The following PTPN14 variants were observed in gnomAD, a reference collection of about 807,000 sequenced individuals.
PTPN14 encodes the protein protein tyrosine phosphatase non-receptor type 14.
Under a neutral mutation model 126.8 loss-of-function variants are expected in PTPN14, and 53 were observed. The ratio of observed to expected loss-of-function variants is 0.42; its 90% CI spans 0.34 to 0.53. The LOEUF (loss-of-function observed/expected upper bound fraction) is 0.53. Ranked by LOEUF, PTPN14 falls within the 20% of genes least tolerant of loss-of-function variation. PTPN14 has a pLI of 0.08. For missense variants in PTPN14, 1,257 were observed against 1,552.9 expected (o/e 0.81, Z 3.20); for synonymous variants, 630 against 599.3 (o/e 1.05, Z -0.75).
chr1:214,488,126 T>C (rs1661155530), intron 1 of PTPN14, among the ~76,000 whole-genome samples: 2 of 152,190 alleles, frequency 1.3e-5, no homozygotes, highest in Non-Finnish European at 1.5e-5. Flanking sequence ...GCCAACCTTT[T>C]AAACATTAAG....
chr1:214,476,057 G>A (rs1401155291), intron 1 of PTPN14, among the ~76,000 whole-genome samples: 1 of 152,182 alleles, frequency 6.6e-6, no homozygotes, highest in African/African-American at 2.4e-5. Flanking sequence ...ACTCAGACAT[G>A]GTGGAGGGGG....
chr1:214,409,157 C>T (rs943388578), intron 5 of PTPN14, among the ~76,000 whole-genome samples: 13 of 152,172 alleles, frequency 8.5e-5, no homozygotes, highest in African/African-American at 2.9e-4. Context: ...TTATTATCAA[C>T]GATAGTCACC....
At chr1:214,502,807 GA>G (rs544394706) in intron 1 of PTPN14, among the ~76,000 whole-genome samples, 10 of 152,098 alleles carry the variant, frequency 6.6e-5, no homozygotes, top group Middle Eastern at 6.8e-3. Flanking sequence ...CAATATCACA[GA>G]AAAAAATAGG....
At chr1:214,400,153 C>G (rs1488886183) in intron 7 of PTPN14, among the ~76,000 whole-genome samples, 1 of 152,106 alleles carries the variant, frequency 6.6e-6, no homozygotes, top group South Asian at 2.1e-4. Flanking sequence ...TCAATAAGAA[C>G]CTGTACCAAT....
chr1:214,470,969 G>A (rs1159588017), intron 1 of PTPN14, among the ~76,000 whole-genome samples: 21 of 144,802 alleles, frequency 1.5e-4, no homozygotes, highest in African/African-American at 4.6e-4. Flanking sequence ...AGGTTTCAGT[G>A]AACCAAGATC....
chr1:214,477,104 G>A (rs974305964), intron 1 of PTPN14, among the ~76,000 whole-genome samples: 1 of 152,190 alleles, frequency 6.6e-6, no homozygotes, highest in African/African-American at 2.4e-5. Context: ...GGTGCCCAGT[G>A]GGTTTCAGAT....
At chr1:214,441,853 T>G (rs1370950181) in intron 3 of PTPN14, among the ~76,000 whole-genome samples, 1 of 152,230 alleles carries the variant, frequency 6.6e-6, no homozygotes, top group African/African-American at 2.4e-5. Context: ...TATTTTAACA[T>G]TTTGACTCAT....
intron 3 of PTPN14, among the ~76,000 whole-genome samples, chr1:214,416,082 C>G (rs61819565): frequency 0.045 from 6,860 of 152,254 alleles, 176 homozygotes; most frequent in Middle Eastern, 0.072. Context: ...GCCAGAAAGA[C>G]AAACAGATAT....
intron 1 of PTPN14, among the ~76,000 whole-genome samples, chr1:214,550,161 G>T (rs1010598739): frequency 6.6e-6 from 1 of 150,478 alleles, no homozygotes; most frequent in Admixed American, 6.6e-5. Flanking sequence ...CCACTAGGCT[G>T]CAGACTCCTG....
At chr1:214,440,731 C>G (rs1255568752) in intron 3 of PTPN14, among the ~76,000 whole-genome samples, 1 of 152,220 alleles carries the variant, frequency 6.6e-6, no homozygotes, top group Non-Finnish European at 1.5e-5. Flanking sequence ...TCAAGTTATA[C>G]AGAAAGTGCA....
rs747981949 is a variant in PTPN14, at chr1:214,349,897, G to A, written c.*8025C>T. 1 of 152,200 alleles carries A rather than the reference G, an allele frequency of 6.6e-6. No individual in the cohort carries two copies. The highest frequency in any genetic ancestry group is 2.4e-5 in the African/African-American group (1 of 41,462). 9.4% of individuals were successfully genotyped at this position (152,200 alleles called of 1,614,324 possible). A position where few individuals can be genotyped will look rare whatever the true frequency, so the allele number is the denominator to read the frequency against. On this transcript the variant is annotated 3_prime_UTR_variant, in exon 19 of 19. Coordinates refer to ENST00000366956, the MANE Select transcript of PTPN14 (RefSeq NM_005401.5). ...GTATTAGCTAACACTGCAGTTGTCA[G>A]AGGTGGGAGGCCCCTGAGAAATGCT...
intron 4 of PTPN14, among the ~76,000 whole-genome samples, chr1:214,413,229 T>C (rs1280441880): frequency 2.0e-5 from 3 of 152,180 alleles, no homozygotes; most frequent in Non-Finnish European, 4.4e-5. Flanking sequence ...GAGGGACATA[T>C]TGATCTTCTC....
intron 16 of PTPN14, among the ~76,000 whole-genome samples, chr1:214,371,400 C>T (rs1334905847): frequency 1.3e-5 from 2 of 152,162 alleles, no homozygotes; most frequent in Admixed American, 6.5e-5. Flanking sequence ...AGTCCCCTAG[C>T]GTGAATGACA....
At position 214,402,437 on chromosome 1, in the gene PTPN14, C is replaced by CAAAAAAAAAAAAAAAAA. The variant is rs1165595746; in HGVS notation, c.581+429_581+445dup. 1.3e-3 allele frequency among the ~76,000 whole-genome samples: 63 copies of CAAAAAAAAAAAAAAAAA among 48,142 alleles called. 6 individuals are homozygous for CAAAAAAAAAAAAAAAAA. Among genetic ancestry groups the CAAAAAAAAAAAAAAAAA allele is most frequent in the African/African-American group, 5.6e-3 (58 of 10,392 alleles). The allele number at this position is 48,142 out of a possible 152,430, so 31.6% of individuals were successfully genotyped here. A position where few individuals can be genotyped will look rare whatever the true frequency, so the allele number is the denominator to read the frequency against. Reference sequence around the variant, plus strand: ...CCTGGGTGACAGAGCGAGACTCTGTCAAAAAAAAAAAAAAAAAAAAAAGCC... The same window carrying CAAAAAAAAAAAAAAAAA: ...CCTGGGTGACAGAGCGAGACTCTGTCAAAAAAAAAAAAAAAAAAAAAAAAAAAAAAAAAAAAAAAGCC... On this transcript the variant is annotated intron_variant, in intron 6 of 18. Coordinates refer to ENST00000366956, the MANE Select transcript of PTPN14 (RefSeq NM_005401.5).
chr1:214,547,756 A>C (rs1189112735), intron 1 of PTPN14, among the ~76,000 whole-genome samples: 1 of 152,202 alleles, frequency 6.6e-6, no homozygotes, highest in African/African-American at 2.4e-5. Flanking sequence ...GAAGTATACA[A>C]GGAAAAGGAT....
intron 16 of PTPN14, among the ~76,000 whole-genome samples, chr1:214,370,994 T>C (rs1335786769): frequency 6.6e-6 from 1 of 152,258 alleles, no homozygotes; most frequent in African/African-American, 2.4e-5. Flanking sequence ...ATTGGAAGCA[T>C]ACCTTCCTCT....
Position 214,468,598 on chromosome 1 carries a change from T to C in PTPN14, c.-154-3641A>G, listed in dbSNP as rs779759130. ...AAAAGAAAAACCAACACATACACCATACACACATAAGCACATCTATAAATT... is the reference window on the plus strand; with the variant it reads ...AAAAGAAAAACCAACACATACACCACACACACATAAGCACATCTATAAATT... On this transcript the variant is annotated intron_variant, in intron 1 of 18. Coordinates refer to ENST00000366956, the MANE Select transcript of PTPN14 (RefSeq NM_005401.5). 1.9e-4 allele frequency among the ~76,000 whole-genome samples: 29 copies of C among 152,026 alleles called. 1 individual carries two copies. Among genetic ancestry groups the C allele is most frequent in the Non-Finnish European group, 4.1e-4 (28 of 67,982 alleles).
In PTPN14 at chr1:214,348,908, C is replaced by G. The variant is rs1445544938; in HGVS notation, c.*9014G>C. ...ACAGTGCAAAAAATACTGTCAAAGT[C>G]AGTTCTATACACCTCATAACTGTGT... On this transcript the variant is annotated 3_prime_UTR_variant, in exon 19 of 19. Coordinates refer to ENST00000366956, the MANE Select transcript of PTPN14 (RefSeq NM_005401.5). The G allele has an allele frequency of 6.6e-6, 1 of 152,178 alleles. No homozygotes were observed. The highest frequency in any genetic ancestry group is 1.5e-5 in the Non-Finnish European group (1 of 68,034). The allele number at this position is 152,178 out of a possible 1,614,324, so 9.4% of individuals were successfully genotyped here. A position where few individuals can be genotyped will look rare whatever the true frequency, so the allele number is the denominator to read the frequency against.
At chr1:214,379,452 A>G in intron 13 of PTPN14, among the ~76,000 whole-genome samples, 1 of 152,214 alleles carries the variant, frequency 6.6e-6, no homozygotes, top group Admixed American at 6.5e-5. Context: ...CACTGACAAC[A>G]GGATGCCTAT....
Sources: allele counts gnomAD v4.1 joint callset (sites outside exome capture counted in the v4.1 genomes callset), GRCh38; gene constraint gnomAD v4.1.1; transcripts MANE v1.5; gene names NCBI Gene and HGNC (gene_info 2026-07-23, HGNC 2026-07-21).